The following THADA variants were observed in gnomAD, a reference collection of about 807,000 sequenced individuals.
THADA encodes the protein tRNA (32-2'-O)-methyltransferase regulator THADA.
A neutral mutation model predicts 219.8 loss-of-function variants in THADA; 213 were observed. That is an observed-to-expected ratio of 0.97 (90% confidence interval 0.87 to 1.09). THADA has a LOEUF of 1.09. Among genes scored for constraint, THADA ranks in the 50% least tolerant of loss-of-function variants. The probability of loss-of-function intolerance (pLI) is 0.00; values close to 1 mark genes in which losing one functional copy is unlikely to be tolerated. For synonymous variants in THADA, 1,018 were observed against 828.9 expected, an observed-to-expected ratio of 1.23 and a Z score of -3.92; for missense variants, 2,956 against 2,311.3, an observed-to-expected ratio of 1.28 and a Z score of -5.72.
intron 28 of THADA, among the ~76,000 whole-genome samples, chr2:43,406,375 T>G (rs1215618007): frequency 6.6e-6 from 1 of 152,244 alleles, no homozygotes; most frequent in African/African-American, 2.4e-5. Context: ...AACGCTAATT[T>G]CTGGTCACTT....
chr2:43,468,453 A>G (rs1684526039), intron 26 of THADA, among the ~76,000 whole-genome samples: 1 of 152,236 alleles, frequency 6.6e-6, no homozygotes, highest in Non-Finnish European at 1.5e-5. Context: ...CAACAAAATT[A>G]AATATTTTTT....
chr2:43,338,183 G>A (rs1431786110), intron 30 of THADA, among the ~76,000 whole-genome samples: 1 of 137,608 alleles, frequency 7.3e-6, no homozygotes, highest in Non-Finnish European at 1.5e-5. Context: ...TTGAGACAGA[G>A]TCTCCCTCTG....
chr2:43,506,123 A>G (rs1689636994), intron 23 of THADA, among the ~76,000 whole-genome samples: 1 of 152,234 alleles, frequency 6.6e-6, no homozygotes, highest in Non-Finnish European at 1.5e-5. Context: ...CTCTTTACTT[A>G]AAAAGCAAAA....
intron 30 of THADA, among the ~76,000 whole-genome samples, chr2:43,336,407 G>T (rs1666445797): frequency 6.6e-6 from 1 of 152,034 alleles, no homozygotes; most frequent in Admixed American, 6.6e-5. Context: ...GAGTAGCTGG[G>T]ACTACAGGTG....
At chr2:43,477,575 C>T (rs1007109559) in intron 26 of THADA, among the ~76,000 whole-genome samples, 2 of 152,192 alleles carry the variant, frequency 1.3e-5, no homozygotes, top group Non-Finnish European at 2.9e-5. Flanking sequence ...TGCCCACCAG[C>T]CAGTGGTACA....
At chr2:43,413,358 G>C (rs974969686) in intron 28 of THADA, among the ~76,000 whole-genome samples, 4 of 152,118 alleles carry the variant, frequency 2.6e-5, no homozygotes, top group Non-Finnish European at 5.9e-5. Flanking sequence ...GAGGCTAAGA[G>C]GGCTGGCTGA....
intron 22 of THADA, among the ~76,000 whole-genome samples, chr2:43,519,392 G>C (rs527442346): frequency 2.0e-5 from 3 of 152,206 alleles, no homozygotes; most frequent in East Asian, 1.9e-4. Flanking sequence ...TTGATTCTCA[G>C]TGCTTTAGAA....
intron 22 of THADA, among the ~76,000 whole-genome samples, chr2:43,524,671 A>C (rs1692933474): frequency 6.6e-6 from 1 of 152,344 alleles, no homozygotes; most frequent in African/African-American, 2.4e-5. Context: ...TCTCTGCAAA[A>C]CATTCTGTTC....
chr2:43,583,783 C>T (rs1700709258), intron 7 of THADA, among the ~76,000 whole-genome samples: 1 of 152,108 alleles, frequency 6.6e-6, no homozygotes, highest in Non-Finnish European at 1.5e-5. Flanking sequence ...GAAAACACGC[C>T]TGTAATCCCA....
intron 28 of THADA, among the ~76,000 whole-genome samples, chr2:43,415,547 G>A (rs1257073979): frequency 6.6e-6 from 1 of 152,148 alleles, no homozygotes. Context: ...GAAGAACTCA[G>A]GAAAAAACAG....
chr2:43,330,470 C>T (rs915014377), intron 30 of THADA, among the ~76,000 whole-genome samples: 1 of 152,152 alleles, frequency 6.6e-6, no homozygotes, highest in African/African-American at 2.4e-5. Flanking sequence ...GGCCGAAACC[C>T]CAGCCACACG....
intron 15 of THADA, 103 bp downstream of exon 15, chr2:43,566,595 A>G (rs1389300138): frequency 2.3e-6 from 3 of 1,276,686 alleles, no homozygotes; most frequent in African/African-American, 1.5e-5. Context: ...TGAAACCTCA[A>G]AGAAAGGCAA....
intron 36 of THADA, among the ~76,000 whole-genome samples, chr2:43,260,711 A>G (rs1009316817): frequency 2.6e-5 from 4 of 152,144 alleles, no homozygotes; most frequent in African/African-American, 7.2e-5. Flanking sequence ...TTTATTTTAT[A>G]TTTCTAGTGT....
rs79030391 is a variant in THADA, at chr2:43,441,072, A to G, written c.3837-10770T>C. ...AAGAGCAAAGTAGGTTTTTGACTACATCTTTTCAAAAGTATACTGTTAAAA... is the reference window on the plus strand; with the variant it reads ...AAGAGCAAAGTAGGTTTTTGACTACGTCTTTTCAAAAGTATACTGTTAAAA... On this transcript the variant is annotated intron_variant, in intron 26 of 37. Transcript: ENST00000405975. Among the ~76,000 whole-genome samples the G allele has an allele frequency of 3.9e-5, 6 of 152,358 alleles. No homozygotes were observed. The East Asian group carries it at 1.2e-3, about 29-fold the overall frequency.
chr2:43,426,773 C>A (rs1016458619), intron 28 of THADA, among the ~76,000 whole-genome samples: 5 of 152,156 alleles, frequency 3.3e-5, no homozygotes, highest in Non-Finnish European at 7.4e-5. Flanking sequence ...ATAAGAAATA[C>A]TCTCTTGAGT....
Position 43,320,442 on chromosome 2 carries a change from A to C in THADA, c.4438+4T>G. On this transcript the variant is annotated splice_donor_region_variant and intron_variant, in intron 31 of 37. Coordinates refer to ENST00000405975, the MANE Select transcript of THADA (RefSeq NM_022065.5). ...CCAAAATACAGTATAACTATGAATC[A>C]TACCTGGCTGGTTGTCCTTTGCAGA... 1 of 1,608,498 alleles carries C rather than the reference A, an allele frequency of 6.2e-7. No homozygotes were observed. Among genetic ancestry groups the C allele is most frequent in the African/African-American group, 1.3e-5 (1 of 74,892 alleles).
intron 36 of THADA, among the ~76,000 whole-genome samples, chr2:43,238,894 A>G (rs1668338080): frequency 7.3e-6 from 1 of 136,828 alleles, no homozygotes; most frequent in Non-Finnish European, 1.5e-5. Flanking sequence ...GAGCTGTGGG[A>G]GCTGGGGGTT....
chr2:43,347,067 T>G (rs373640286), intron 29 of THADA, among the ~76,000 whole-genome samples: 132 of 152,196 alleles, frequency 8.7e-4, no homozygotes, highest in South Asian at 4.2e-3. Context: ...CTCATCCCAG[T>G]GGATGCCTCA....
At chr2:43,286,797 T>A (rs746087540) in intron 35 of THADA, 111 bp downstream of exon 35, 3 of 1,229,886 alleles carry the variant, frequency 2.4e-6, no homozygotes, top group Non-Finnish European at 3.5e-6. Context: ...CTGAAAGACA[T>A]AAAGGCAGGT....
Sources: allele counts gnomAD v4.1 joint callset (sites outside exome capture counted in the v4.1 genomes callset), GRCh38; gene constraint gnomAD v4.1.1; transcripts MANE v1.5; gene names NCBI Gene and HGNC (gene_info 2026-07-23, HGNC 2026-07-21).